OR52R1: variants seen among roughly 807,000 people sequenced by gnomAD.
OR52R1 encodes the protein olfactory receptor family 52 subfamily R member 1.
For synonymous variants in OR52R1, 159 were observed against 150.1 expected (o/e 1.06, Z -0.43); for missense variants, 432 against 395.1 (o/e 1.09, Z -0.79).
Position 4,803,669 on chromosome 11 carries a change from G to A in OR52R1, c.712C>T (p.Leu238Phe), listed in dbSNP as rs1478135032. 2 of 1,613,928 alleles carry A rather than the reference G, an allele frequency of 1.2e-6. No homozygotes were observed. The change falls in exon 1 of 1, where the codon CTC becomes TTC. Residue 238 changes from leucine to phenylalanine, a missense_variant. Transcript: ENST00000624978. ...GAGGAACGTGTGCTAAAAGCTTTGA[G>A]GCGGGCTTCACCTGAGGGCAACTGA... is the stretch of plus-strand genomic sequence containing the variant. ...VLQLPSGEAR[L>F]KAFSTRSSHI...
rs763566446 is a variant in OR52R1 at position 4,803,842 on chromosome 11, G to C, written c.539C>G (p.Ser180Ter). The C allele has an allele frequency of 6.2e-7, 1 of 1,612,876 alleles. No individual in the cohort carries two copies. The highest frequency in any genetic ancestry group is 8.5e-7 in the Non-Finnish European group (1 of 1,179,852). The change falls in exon 1 of 1, where the codon TCA (serine) becomes TGA (stop). Residue 180 changes from serine to a stop codon, truncating the protein, a stop_gained. Transcript: ENST00000624978. LOFTEE classifies it low-confidence loss of function (END_TRUNC). ...CAGCACAGCCATGTGCTCACAGTAT[G>C]ACTGGGGAATGGCTTGGTGTTGGCA... ...PFCQHQAIPQ[S>*]YCEHMAVLKL...
At position 4,803,445 on chromosome 11, in the gene OR52R1, T is replaced by A. The variant is rs766799235; in HGVS notation, c.936A>T (p.Gly312=). The part of the protein sequence containing the change: ...IGDRVIQGCC[G]NIP Reference sequence around the variant, plus strand: ...ACTGACCCTTTGCTCAGGGGATGTTTCCACAACATCCTTGGATAACCCTGT... The same window carrying A: ...ACTGACCCTTTGCTCAGGGGATGTTACCACAACATCCTTGGATAACCCTGT... Residue 312 remains glycine (G), a synonymous_variant, in exon 1 of 1, where the codon GGA becomes GGT. Coordinates refer to ENST00000624978, the MANE Select transcript of OR52R1 (RefSeq NM_001005177.3). 1.6e-5 allele frequency: 25 copies of A among 1,603,198 alleles called. No homozygotes were observed. The highest frequency in any genetic ancestry group is 2.0e-5 in the Non-Finnish European group (24 of 1,172,410).
At position 4,803,831 on chromosome 11, in the gene OR52R1, G is replaced by A. The variant is rs1474097120; in HGVS notation, c.550C>T (p.His184Tyr). Residue 184 changes from histidine to tyrosine, a missense_variant, in exon 1 of 1, where the codon CAC (histidine) becomes TAC (tyrosine). His to Tyr is a moderately conservative substitution (Grantham distance 83). Transcript: ENST00000624978. ...HQAIPQSYCE[H>Y]MAVLKLVCAD... is the part of the protein sequence containing the mutation. Reference sequence around the variant, plus strand: ...CACACCAACTTCAGCACAGCCATGTGCTCACAGTATGACTGGGGAATGGCT... The same window carrying A: ...CACACCAACTTCAGCACAGCCATGTACTCACAGTATGACTGGGGAATGGCT... 1.2e-6 allele frequency: 2 copies of A among 1,612,984 alleles called. No individual in the cohort carries two copies. Among genetic ancestry groups the A allele is most frequent in the South Asian group, 1.1e-5 (1 of 90,968 alleles).
In OR52R1 at chr11:4,804,254, C is replaced by G; in HGVS notation, c.127G>C (p.Val43Leu). The G allele has an allele frequency of 6.2e-7, 1 of 1,613,872 alleles. No homozygotes were observed. The change falls in exon 1 of 1, where the codon GTT becomes CTT. Residue 43 changes from valine (V) to leucine (L), a missense_variant. Physicochemically the swap from Val to Leu is conservative, Grantham distance 32. Transcript: ENST00000624978. Reference protein sequence around the residue: ...PFCATYAVAVVGNITLLHVIR... With the variant: ...PFCATYAVAVLGNITLLHVIR... ...ACATGGAGGAGAGTGATATTTCCAA[C>G]AACAGCCACAGCATACGTGGCACAG...
At position 4,803,956 on chromosome 11, in the gene OR52R1, G is replaced by T. The variant is rs903426846; in HGVS notation, c.425C>A (p.Ser142Ter). ...GATGGTCCCCAGTTTGATCACGACC[G>T]ATGGGGTCAGGATGCTAGAGTGTCG... is the stretch of plus-strand genomic sequence containing the variant. ...PLRHSSILTP[S>*]VVIKLGTIVM... Residue 142 changes from serine to a stop codon, truncating the protein, a stop_gained, in exon 1 of 1, where the codon TCG (serine) becomes TAG (stop). Coordinates refer to ENST00000624978, the MANE Select transcript of OR52R1 (RefSeq NM_001005177.3). LOFTEE classifies it low-confidence loss of function (END_TRUNC). The T allele has an allele frequency of 1.2e-6, 2 of 1,613,560 alleles. No individual in the cohort carries two copies. Among genetic ancestry groups the T allele is most frequent in the African/African-American group, 2.7e-5 (2 of 74,826 alleles).
Position 4,804,246 on chromosome 11 carries a change from A to G in OR52R1, c.135T>C (p.Asn45=), listed in dbSNP as rs769043887. ...CATYAVAVVG[N]ITLLHVIRID... is the part of the protein sequence containing the mutation. ...TTCTGATTACATGGAGGAGAGTGAT[A>G]TTTCCAACAACAGCCACAGCATACG... Residue 45 remains asparagine (N), a synonymous_variant, in exon 1 of 1, where the codon AAT becomes AAC. Transcript: ENST00000624978. 1.4e-5 allele frequency: 22 copies of G among 1,613,778 alleles called. No homozygotes were observed. The highest frequency in any genetic ancestry group is 1.9e-5 in the Non-Finnish European group (22 of 1,179,948).
At position 4,803,908 on chromosome 11, in the gene OR52R1, C is replaced by T. The variant is rs762774407; in HGVS notation, c.473G>A (p.Trp158Ter). ...GTIVMLRGLL[W>*]VSPFCFMVSR... Reference sequence around the variant, plus strand: ...CACCATGAAGCAGAAGGGGCTCACCCACAGCAGCCCTCTCAGCATCACGAT... The same window carrying T: ...CACCATGAAGCAGAAGGGGCTCACCTACAGCAGCCCTCTCAGCATCACGAT... The change falls in exon 1 of 1, where the codon TGG (tryptophan) becomes TAG (stop). Residue 158 changes from tryptophan (W) to a stop codon, truncating the protein, a stop_gained. Coordinates refer to ENST00000624978, the MANE Select transcript of OR52R1 (RefSeq NM_001005177.3). LOFTEE classifies it low-confidence loss of function (END_TRUNC). 1 of 1,613,126 alleles carries T rather than the reference C, an allele frequency of 6.2e-7. No homozygotes were observed. The highest frequency in any genetic ancestry group is 1.1e-5 in the South Asian group (1 of 91,000).
Position 4,804,303 on chromosome 11 carries a change from G to A in OR52R1, c.78C>T (p.Phe26=), listed in dbSNP as rs1319210864. 1.9e-6 allele frequency: 3 copies of A among 1,613,988 alleles called. No individual in the cohort carries two copies. The African/African-American group carries it at 4.0e-5, about 22-fold the overall frequency. ...ILLGIPGLES[F]QLWIAFPFCA... The stretch of plus-strand genomic sequence containing the variant: ...AGAACGGAAAGGCAATCCACAACTG[G>A]AAACTCTCCAGGCCTGGGATTCCAA... Residue 26 remains phenylalanine (F), a synonymous_variant, in exon 1 of 1, where the codon TTC becomes TTT. Coordinates refer to ENST00000624978, the MANE Select transcript of OR52R1 (RefSeq NM_001005177.3).
chr11:4,804,005 A>G lies in OR52R1; in HGVS notation c.376T>C (p.Tyr126His). Residue 126 changes from tyrosine (Y) to histidine (H), a missense_variant, in exon 1 of 1, where the codon TAC becomes CAC. Tyr to His is a moderately conservative substitution (Grantham distance 83). Coordinates refer to ENST00000624978, the MANE Select transcript of OR52R1 (RefSeq NM_001005177.3). Reference protein sequence around the residue: ...GVLMAMALDCYVAICFPLRHS... With the variant: ...GVLMAMALDCHVAICFPLRHS... ...CGGAGTGGGAAGCAGATAGCCACGT[A>G]GCAGTCCAGGGCCATAGCCATGAGC... The G allele has an allele frequency of 1.9e-6, 3 of 1,613,998 alleles. No individual in the cohort carries two copies. Among genetic ancestry groups the G allele is most frequent in the Non-Finnish European group, 2.5e-6 (3 of 1,180,004 alleles).
In OR52R1 at chr11:4,803,822, C is replaced by G; in HGVS notation, c.559G>C (p.Val187Leu). The change falls in exon 1 of 1, where the codon GTG becomes CTG. Residue 187 changes from valine (V) to leucine (L), a missense_variant. By Grantham distance (32) the Val-to-Leu change is conservative. Coordinates refer to ENST00000624978, the MANE Select transcript of OR52R1 (RefSeq NM_001005177.3). Reference protein sequence around the residue: ...IPQSYCEHMAVLKLVCADTSI... With the variant: ...IPQSYCEHMALLKLVCADTSI... ...GTATCAGCACACACCAACTTCAGCA[C>G]AGCCATGTGCTCACAGTATGACTGG... The G allele has an allele frequency of 6.2e-7, 1 of 1,613,132 alleles. No individual in the cohort carries two copies. Among genetic ancestry groups the G allele is most frequent in the Non-Finnish European group, 8.5e-7 (1 of 1,179,886 alleles).
In OR52R1 at chr11:4,803,662, G is replaced by C; in HGVS notation, c.719C>G (p.Ala240Gly). The C allele has an allele frequency of 6.2e-7, 1 of 1,613,920 alleles. No homozygotes were observed. The stretch of plus-strand genomic sequence containing the variant: ...GATATGGGAGGAACGTGTGCTAAAA[G>C]CTTTGAGGCGGGCTTCACCTGAGGG... ...QLPSGEARLK[A>G]FSTRSSHICV... The change falls in exon 1 of 1, where the codon GCT becomes GGT. Residue 240 changes from alanine to glycine, a missense_variant. Physicochemically the swap from Ala to Gly is moderately conservative, Grantham distance 60 (BLOSUM62 0). Coordinates refer to ENST00000624978, the MANE Select transcript of OR52R1 (RefSeq NM_001005177.3).
chr11:4,804,373 A>AGCACCATGG lies in OR52R1; in HGVS notation c.7_8insCCATGGTGC (p.Val2_Leu3insProMetVal). The AGCACCATGG allele has an allele frequency of 6.2e-7, 1 of 1,613,736 alleles. No homozygotes were observed. Among genetic ancestry groups the AGCACCATGG allele is most frequent in the South Asian group, 1.1e-5 (1 of 91,080 alleles). On this transcript the variant is annotated inframe_insertion, in exon 1 of 1. Coordinates refer to ENST00000624978, the MANE Select transcript of OR52R1 (RefSeq NM_001005177.3). ...ATGAGAAGAGCTGTTCCCTGAAGCC[A>AGCACCATGG]GCACCATGGACTGGTTAATATGGTC... is the stretch of plus-strand genomic sequence containing the variant.
At position 4,803,763 on chromosome 11, in the gene OR52R1, G is replaced by A; in HGVS notation, c.618C>T (p.Ala206=). The change falls in exon 1 of 1, where the codon GCC becomes GCT. Residue 206 remains alanine (A), a synonymous_variant. Transcript: ENST00000624978. Reference sequence around the variant, plus strand: ...TCATATCAAAGCCAGCCACAGAGAAGGCCACAAAGAGCCCATTCCCACGAC... The same window carrying A: ...TCATATCAAAGCCAGCCACAGAGAAAGCCACAAAGAGCCCATTCCCACGAC... ...SISRGNGLFV[A]FSVAGFDMIV... is the part of the protein sequence containing the mutation. The A allele has an allele frequency of 6.2e-7, 1 of 1,613,456 alleles. No homozygotes were observed. Among genetic ancestry groups the A allele is most frequent in the Non-Finnish European group, 8.5e-7 (1 of 1,179,928 alleles).
In OR52R1 at chr11:4,803,549, G is replaced by T. The variant is rs755868815; in HGVS notation, c.832C>A (p.Leu278Met). The T allele has an allele frequency of 1.1e-5, 17 of 1,613,982 alleles. 1 individual carries two copies. The South Asian group carries it at 1.9e-4, about 18-fold the overall frequency. The change falls in exon 1 of 1, where the codon CTG (leucine) becomes ATG (methionine). Residue 278 changes from leucine to methionine, a missense_variant. Leu to Met is a conservative substitution (Grantham distance 15). Coordinates refer to ENST00000624978, the MANE Select transcript of OR52R1 (RefSeq NM_001005177.3). The stretch of plus-strand genomic sequence containing the variant: ...ATCAGTAGATAGAGATTAGCAAACA[G>T]GATGTGTACAACTCGGGGCACATCA... ...GHDVPRVVHI[L>M]FANLYLLIPP...
At position 4,803,569 on chromosome 11, in the gene OR52R1, A is replaced by G; in HGVS notation, c.812T>C (p.Val271Ala). ...SFLTYRFGHD[V>A]PRVVHILFAN... The stretch of plus-strand genomic sequence containing the variant: ...AAACAGGATGTGTACAACTCGGGGC[A>G]CATCATGGCCAAAGCGGTAGGTGAG... Residue 271 changes from valine (V) to alanine (A), a missense_variant, in exon 1 of 1, where the codon GTG becomes GCG. Val to Ala is a moderately conservative substitution (Grantham distance 64). Transcript: ENST00000624978. 1 of 1,614,094 alleles carries G rather than the reference A, an allele frequency of 6.2e-7. No individual in the cohort carries two copies.
chr11:4,804,247 T>C lies in OR52R1; in HGVS notation c.134A>G (p.Asn45Ser), dbSNP rs1434456715. The C allele has an allele frequency of 6.2e-7, 1 of 1,613,786 alleles. No homozygotes were observed. Among genetic ancestry groups the C allele is most frequent in the Admixed American group, 1.7e-5 (1 of 59,982 alleles). Residue 45 changes from asparagine (N) to serine (S), a missense_variant, in exon 1 of 1, where the codon AAT becomes AGT. Transcript: ENST00000624978. The stretch of plus-strand genomic sequence containing the variant: ...TCTGATTACATGGAGGAGAGTGATA[T>C]TTCCAACAACAGCCACAGCATACGT... ...CATYAVAVVG[N>S]ITLLHVIRID...
Position 4,803,891 on chromosome 11 carries a change from A to G in OR52R1, c.490T>C (p.Phe164Leu), listed in dbSNP as rs372122970. The change falls in exon 1 of 1, where the codon TTC becomes CTC. Residue 164 changes from phenylalanine (F) to leucine (L), a missense_variant. Phe to Leu is a conservative substitution (Grantham distance 22). Coordinates refer to ENST00000624978, the MANE Select transcript of OR52R1 (RefSeq NM_001005177.3). The stretch of plus-strand genomic sequence containing the variant: ...CAGAAGGGCATCCTAGACACCATGA[A>G]GCAGAAGGGGCTCACCCACAGCAGC... ...RGLLWVSPFC[F>L]MVSRMPFCQH... 6 of 1,612,682 alleles carry G rather than the reference A, an allele frequency of 3.7e-6. No individual in the cohort carries two copies. Among genetic ancestry groups the G allele is most frequent in the Non-Finnish European group, 5.1e-6 (6 of 1,179,822 alleles).
rs1849214594 is a variant in OR52R1, at chr11:4,803,597, A to G, written c.784T>C (p.Phe262Leu). 10 of 1,614,056 alleles carry G rather than the reference A, an allele frequency of 6.2e-6. No individual in the cohort carries two copies. The highest frequency in any genetic ancestry group is 8.5e-6 in the Non-Finnish European group (10 of 1,180,008). Reference protein sequence around the residue: ...LALYIPALFSFLTYRFGHDVP... With the variant: ...LALYIPALFSLLTYRFGHDVP... ...TCATGGCCAAAGCGGTAGGTGAGGA[A>G]AGAAAAAAGGGCTGGGATATAAAGA... Residue 262 changes from phenylalanine (F) to leucine (L), a missense_variant, in exon 1 of 1, where the codon TTC (phenylalanine) becomes CTC (leucine). Phe to Leu is a conservative substitution (Grantham distance 22). Coordinates refer to ENST00000624978, the MANE Select transcript of OR52R1 (RefSeq NM_001005177.3).
chr11:4,803,918 C>G lies in OR52R1; in HGVS notation c.463G>C (p.Gly155Arg), dbSNP rs761410703. 1 of 1,613,226 alleles carries G rather than the reference C, an allele frequency of 6.2e-7. No individual in the cohort carries two copies. The highest frequency in any genetic ancestry group is 2.2e-5 in the East Asian group (1 of 44,830). ...CAGAAGGGGCTCACCCACAGCAGCC[C>G]TCTCAGCATCACGATGGTCCCCAGT... ...IKLGTIVMLR[G>R]LLWVSPFCFM... is the part of the protein sequence containing the mutation. The change falls in exon 1 of 1, where the codon GGG becomes CGG. Residue 155 changes from glycine (G) to arginine (R), a missense_variant. Gly to Arg is a moderately radical substitution (Grantham distance 125). Coordinates refer to ENST00000624978, the MANE Select transcript of OR52R1 (RefSeq NM_001005177.3).
Sources: allele counts gnomAD v4.1 joint callset, GRCh38; gene constraint gnomAD v4.1.1; transcripts MANE v1.5; gene names NCBI Gene and HGNC (gene_info 2026-07-23, HGNC 2026-07-21).